Variants in TET2 observed in about 807,000 individuals in gnomAD.
TET2 encodes the protein methylcytosine dioxygenase TET2.
Under a neutral mutation model 142.9 loss-of-function variants are expected in TET2, and 299 were observed. That is an observed-to-expected ratio of 2.09 (90% CI 1.90 to 2.30). The LOEUF is 2.30. TET2 is among the 30% of genes most tolerant of loss of function. The probability of loss-of-function intolerance (pLI) is 0.00; values close to 1 mark genes in which losing one functional copy is unlikely to be tolerated. For missense variants in TET2, 2,418 were observed against 2,378.0 expected (o/e 1.02, Z -0.35); for synonymous variants, 819 against 849.0 (o/e 0.96, Z 0.61).
At chr4:105,199,466 A>G (rs1298611659) in intron 2 of TET2, among the ~76,000 whole-genome samples, 1 of 152,128 alleles carries the variant, frequency 6.6e-6, no homozygotes, top group Non-Finnish European at 1.5e-5. Context: ...ATTAATTTCC[A>G]TCTTGTTTCT....
intron 1 of TET2, among the ~76,000 whole-genome samples, chr4:105,166,772 G>A (rs973192448): frequency 6.6e-6 from 1 of 152,020 alleles, no homozygotes; most frequent in Non-Finnish European, 1.5e-5. Flanking sequence ...ACATTGGTAC[G>A]TTGTTACCCT....
intron 1 of TET2, among the ~76,000 whole-genome samples, chr4:105,164,044 C>T (rs144969334): frequency 3.5e-4 from 54 of 152,180 alleles, no homozygotes; most frequent in African/African-American, 1.2e-3. Context: ...TTTGTGTTTA[C>T]GGTGAGAACA....
intron 2 of TET2, among the ~76,000 whole-genome samples, chr4:105,197,962 G>T (rs1726188304): frequency 6.6e-6 from 1 of 152,120 alleles, no homozygotes; most frequent in African/African-American, 2.4e-5. Context: ...GAATTACTAT[G>T]ATGTTTATTT....
intron 6 of TET2, among the ~76,000 whole-genome samples, chr4:105,257,358 G>A (rs1310550369): frequency 6.6e-6 from 1 of 152,036 alleles, no homozygotes; most frequent in African/African-American, 2.4e-5. Flanking sequence ...TGTTTCTGGT[G>A]GTTGTTGTTT....
At chr4:105,246,378 T>C (rs1400915918) in intron 6 of TET2, among the ~76,000 whole-genome samples, 1 of 152,262 alleles carries the variant, frequency 6.6e-6, no homozygotes, top group Non-Finnish European at 1.5e-5. Context: ...TTAACTGCTC[T>C]AAATGTCAGG....
Position 105,162,834 on chromosome 4 carries a change from G to C in TET2, c.-193+15855G>C, listed in dbSNP as rs74915174. ...TATAGAACTATTTTGCTTAACATTAGGATTCTATTGAAGAGCCTATATCTG... is the reference window on the plus strand; with the variant it reads ...TATAGAACTATTTTGCTTAACATTACGATTCTATTGAAGAGCCTATATCTG... On this transcript the variant is annotated intron_variant, in intron 1 of 10. Coordinates refer to ENST00000380013, the MANE Select transcript of TET2 (RefSeq NM_001127208.3). Among the ~76,000 whole-genome samples the C allele has an allele frequency of 9.3e-3, 1,407 of 152,084 alleles. 11 individuals carry two copies. The highest frequency in any genetic ancestry group is 0.022 in the African/African-American group (900 of 41,478).
At chr4:105,156,669 T>C (rs1343639679) in intron 1 of TET2, among the ~76,000 whole-genome samples, 3 of 152,182 alleles carry the variant, frequency 2.0e-5, no homozygotes, top group African/African-American at 7.2e-5. Flanking sequence ...AAAGCTTCAA[T>C]AGGGATAATG....
chr4:105,265,789 T>TAA (rs1415055389), intron 8 of TET2, among the ~76,000 whole-genome samples: 1 of 151,958 alleles, frequency 6.6e-6, no homozygotes, highest in Non-Finnish European at 1.5e-5. Flanking sequence ...AGACATAGAA[T>TAA]AAGAAATTCA....
At chr4:105,266,841 AT>A (rs948459040) in intron 8 of TET2, among the ~76,000 whole-genome samples, 1 of 151,940 alleles carries the variant, frequency 6.6e-6, no homozygotes, top group African/African-American at 2.4e-5. Context: ...CAATGGCCAA[AT>A]TTTTTTCAGA....
At chr4:105,227,969 C>T (rs1242881734) in intron 2 of TET2, among the ~76,000 whole-genome samples, 1 of 151,978 alleles carries the variant, frequency 6.6e-6, no homozygotes, top group Non-Finnish European at 1.5e-5. Context: ...TAAATGACCC[C>T]ATAAAAACTA....
At chr4:105,258,855 T>C (rs1195163463) in intron 6 of TET2, among the ~76,000 whole-genome samples, 1 of 152,198 alleles carries the variant, frequency 6.6e-6, no homozygotes, top group Non-Finnish European at 1.5e-5. Context: ...AAACTAGGGC[T>C]ATAAAGCTGT....
chr4:105,255,487 T>A (rs999661154), intron 6 of TET2, among the ~76,000 whole-genome samples: 1 of 152,232 alleles, frequency 6.6e-6, no homozygotes, highest in African/African-American at 2.4e-5. Context: ...TTTATAGATG[T>A]CTGTTAGACC....
At chr4:105,227,644 T>C (rs745646685) in intron 2 of TET2, among the ~76,000 whole-genome samples, 1 of 152,172 alleles carries the variant, frequency 6.6e-6, no homozygotes, top group Non-Finnish European at 1.5e-5. Flanking sequence ...TAATTCAAAA[T>C]ATTTCTGATG....
Position 105,184,784 on chromosome 4 carries a change from T to C in TET2, c.-192-5576T>C, listed in dbSNP as rs1578577530. ...GTGTATAAGAATAGGAGAAACACTT[T>C]GTGGGCATATCCTGCTGAGGTGAGT... On this transcript the variant is annotated intron_variant, in intron 1 of 10. Transcript: ENST00000380013. Among the ~76,000 whole-genome samples, 3 of 152,122 alleles carry C rather than the reference T, an allele frequency of 2.0e-5. No individual in the cohort carries two copies. In the South Asian group the frequency reaches 6.2e-4, roughly 32 times the overall value.
intron 2 of TET2, among the ~76,000 whole-genome samples, chr4:105,225,734 G>A (rs1728152672): frequency 6.6e-6 from 1 of 152,138 alleles, no homozygotes; most frequent in African/African-American, 2.4e-5. Flanking sequence ...ACTGCACTGA[G>A]TGAGGATTCA....
chr4:105,198,877 T>G (rs1726262560), intron 2 of TET2, among the ~76,000 whole-genome samples: 1 of 152,172 alleles, frequency 6.6e-6, no homozygotes, highest in East Asian at 1.9e-4. Context: ...AGTTACACTA[T>G]ATTAGAGCTT....
intron 2 of TET2, among the ~76,000 whole-genome samples, chr4:105,228,143 G>T (rs184123454): frequency 6.6e-6 from 1 of 151,962 alleles, no homozygotes; most frequent in Non-Finnish European, 1.5e-5. Flanking sequence ...ATATTCCAGG[G>T]TATGTATATA....
chr4:105,175,678 TC>T (rs902567418), intron 1 of TET2, among the ~76,000 whole-genome samples: 17 of 151,254 alleles, frequency 1.1e-4, no homozygotes, highest in Admixed American at 2.6e-4. Flanking sequence ...TGTGAAAATC[TC>T]CCCCAATTAA....
intron 1 of TET2, among the ~76,000 whole-genome samples, chr4:105,154,500 T>C (rs935173873): frequency 2.0e-5 from 3 of 152,096 alleles, no homozygotes; most frequent in African/African-American, 7.2e-5. Context: ...ACCAGAAGTT[T>C]GAGATTAGTC....
Sources: allele counts gnomAD v4.1 joint callset (sites outside exome capture counted in the v4.1 genomes callset), GRCh38; gene constraint gnomAD v4.1.1; transcripts MANE v1.5; gene names NCBI Gene and HGNC (gene_info 2026-07-23, HGNC 2026-07-21).